GPHA2: variants seen among roughly 807,000 people sequenced by gnomAD.
GPHA2 encodes glycoprotein hormone subunit alpha 2, also known as glycoprotein hormone alpha-2.
A neutral mutation model predicts 15.3 loss-of-function variants in GPHA2; 12 were observed. That is an observed-to-expected ratio of 0.78 (90% CI 0.50 to 1.27). The LOEUF (loss-of-function observed/expected upper bound fraction) is 1.27. Ranked by LOEUF, GPHA2 falls within the 50% of genes most tolerant of loss-of-function variation. The pLI, the probability that GPHA2 is intolerant of heterozygous loss-of-function variation, is 0.00. For missense variants in GPHA2, 156 were observed against 169.5 expected (o/e 0.92, Z 0.44); for synonymous variants, 61 against 66.8 (o/e 0.91, Z 0.42).
At position 64,935,472 on chromosome 11, in the gene GPHA2, T is replaced by C. The variant is rs1386491589; in HGVS notation, c.1-12A>G. On this transcript the variant is annotated splice_polypyrimidine_tract_variant and intron_variant, in intron 1 of 3. Transcript: ENST00000279168. ...GACGCCATAGGCATCTGAAACACAG[T>C]GGGGAGATGTCTCTACGTGGGTGTG... The C allele has an allele frequency of 1.0e-5, 16 of 1,558,100 alleles. No homozygotes were observed. Among genetic ancestry groups the C allele is most frequent in the Admixed American group, 1.9e-5 (1 of 51,754 alleles).
At chr11:64,935,530 T>G in intron 1 of GPHA2, 70 bp from the exon 2 acceptor site, 3 of 1,063,074 alleles carry the variant, frequency 2.8e-6, no homozygotes, top group Non-Finnish European at 4.1e-6. Flanking sequence ...AAATACTGCA[T>G]TCCAGGTGAG....
rs1945276486 is a variant in GPHA2, at chr11:64,935,000, G to A, written c.279C>T (p.Gly93=). ...CCCGGGCCCTCCTCACCTTCTTCAG[G>A]CCACTGATGGTGCAGCACTGAGAGA... ...TSVSQCCTIS[G]LKKVKVQLQC... is the part of the protein sequence containing the mutation. Residue 93 remains glycine, a synonymous_variant, in exon 3 of 4, where the codon GGC becomes GGT. Transcript: ENST00000279168. The A allele has an allele frequency of 6.2e-7, 1 of 1,613,890 alleles. No individual in the cohort carries two copies. The highest frequency in any genetic ancestry group is 8.5e-7 in the Non-Finnish European group (1 of 1,179,988).
At position 64,934,843 on chromosome 11, in the gene GPHA2, C is replaced by T. The variant is rs148594801; in HGVS notation, c.320G>A (p.Arg107Gln). 87 of 1,598,120 alleles carry T rather than the reference C, an allele frequency of 5.4e-5. No individual in the cohort carries two copies. The highest frequency in any genetic ancestry group is 8.3e-5 in the African/African-American group (6 of 72,302). The change falls in exon 4 of 4, where the codon CGG becomes CAG. Residue 107 changes from arginine (R) to glutamine (Q), a missense_variant. Arg to Gln is a conservative substitution (Grantham distance 43). Transcript: ENST00000279168. ...CGTGAAGATCTCGAGCTCCTCCCTC[C>T]GGCTCCCCACACACTGCAGCTGTAC... ...VKVQLQCVGS[R>Q]REELEIFTAR... is the part of the protein sequence containing the mutation.
At chr11:64,936,102 C>T (rs920047943), upstream of GPHA2, among the ~76,000 whole-genome samples, 1 of 152,066 alleles carries the variant, frequency 6.6e-6, no homozygotes, top group Non-Finnish European at 1.5e-5. Context: ...GCCCAGGCCT[C>T]GATAAGTCAG....
At position 64,935,024 on chromosome 11, in the gene GPHA2, G is replaced by A. The variant is rs1781303223; in HGVS notation, c.255C>T (p.Val85=). ...GGCCACTGATGGTGCAGCACTGAGA[G>A]ACGGAGGTGATGTTGTGTCGGTAAC... ...ASGYRHNITS[V]SQCCTISGLK... is the part of the protein sequence containing the mutation. Residue 85 remains valine (V), a synonymous_variant, in exon 3 of 4, where the codon GTC becomes GTT. Transcript: ENST00000279168. 1 of 1,614,084 alleles carries A rather than the reference G, an allele frequency of 6.2e-7. No homozygotes were observed.
chr11:64,935,493 G>T, intron 1 of GPHA2, 33 bp from the exon 2 acceptor site: 1 of 1,444,290 alleles, frequency 6.9e-7, no homozygotes, highest in Non-Finnish European at 9.4e-7. Flanking sequence ...CTCTACGTGG[G>T]TGTGCAGGTG....
In GPHA2 at chr11:64,935,044, G is replaced by T; in HGVS notation, c.235C>A (p.Arg79=). ...RYSVLVASGY[R]HNITSVSQCC... is the part of the protein sequence containing the mutation. Reference sequence around the variant, plus strand: ...TGAGAGACGGAGGTGATGTTGTGTCGGTAACCACTGGCCACCAGCACAGAG... The same window carrying T: ...TGAGAGACGGAGGTGATGTTGTGTCTGTAACCACTGGCCACCAGCACAGAG... Residue 79 remains arginine, a synonymous_variant, in exon 3 of 4, where the codon CGA becomes AGA. Coordinates refer to ENST00000279168, the MANE Select transcript of GPHA2 (RefSeq NM_130769.4). 6.2e-7 allele frequency: 1 copy of T among 1,614,044 alleles called. No homozygotes were observed. The highest frequency in any genetic ancestry group is 1.1e-5 in the South Asian group (1 of 91,062).
chr11:64,936,165 C>A (rs1371211761), upstream of GPHA2, among the ~76,000 whole-genome samples: 1 of 152,150 alleles, frequency 6.6e-6, no homozygotes, highest in South Asian at 2.1e-4. Flanking sequence ...GTGCAGCTGA[C>A]GACACAGGGG....
intron 2 of GPHA2, 38 bp from the exon 3 acceptor site, chr11:64,935,213 C>G: frequency 6.3e-7 from 1 of 1,575,852 alleles, no homozygotes; most frequent in Non-Finnish European, 8.6e-7. Flanking sequence ...GGCGCCTCTG[C>G]CAAGGTTTGC....
In GPHA2 at chr11:64,935,611, TTGTGTG is replaced by T. The variant is rs150478676; in HGVS notation, c.1-157_1-152del. ...TGCTGCCTTTTCCCTGTATCTGCCTTTGTGTGTGTGTGTGTGTGTGTATGGGTGTGA... is the reference window on the plus strand; with the variant it reads ...TGCTGCCTTTTCCCTGTATCTGCCTTTGTGTGTGTGTGTGTATGGGTGTGA... On this transcript the variant is annotated intron_variant, in intron 1 of 3. Coordinates refer to ENST00000279168, the MANE Select transcript of GPHA2 (RefSeq NM_130769.4). The T allele has an allele frequency of 1.1e-4, 64 of 561,734 alleles. No homozygotes were observed. In the Middle Eastern group the frequency reaches 3.2e-3, roughly 28 times the overall value. The allele number at this position is 561,734 out of a possible 1,614,324, so 34.8% of individuals were successfully genotyped here.
At chr11:64,936,095 C>T (rs1177943700), upstream of GPHA2, among the ~76,000 whole-genome samples, 7 of 152,142 alleles carry the variant, frequency 4.6e-5, no homozygotes, top group Non-Finnish European at 1.0e-4. Flanking sequence ...ACCCACAGCC[C>T]AGGCCTCGAT....
chr11:64,935,041 G>A lies in GPHA2; in HGVS notation c.238C>T (p.His80Tyr), dbSNP rs1431389493. 1 of 1,614,092 alleles carries A rather than the reference G, an allele frequency of 6.2e-7. No homozygotes were observed. The highest frequency in any genetic ancestry group is 1.7e-5 in the Admixed American group (1 of 60,020). Residue 80 changes from histidine to tyrosine, a missense_variant, in exon 3 of 4, where the codon CAC becomes TAC. His to Tyr is a moderately conservative substitution (Grantham distance 83). Transcript: ENST00000279168. ...CACTGAGAGACGGAGGTGATGTTGT[G>A]TCGGTAACCACTGGCCACCAGCACA... Reference protein sequence around the residue: ...YSVLVASGYRHNITSVSQCCT... With the variant: ...YSVLVASGYRYNITSVSQCCT...
upstream of GPHA2, among the ~76,000 whole-genome samples, chr11:64,936,624 C>A (rs1945296176): frequency 6.6e-6 from 1 of 152,104 alleles, no homozygotes; most frequent in Non-Finnish European, 1.5e-5. Flanking sequence ...GTCCTGCTTG[C>A]CTTTTTCTAA....
In GPHA2 at chr11:64,934,944, C is replaced by T. The variant is rs1429357300; in HGVS notation, c.288+47G>A. 1.9e-6 allele frequency: 3 copies of T among 1,613,230 alleles called. No homozygotes were observed. The East Asian group carries it at 6.7e-5, about 36-fold the overall frequency. On this transcript the variant is annotated intron_variant, in intron 3 of 3. Coordinates refer to ENST00000279168, the MANE Select transcript of GPHA2 (RefSeq NM_130769.4). The stretch of plus-strand genomic sequence containing the variant: ...TGTCTAGGATCTCCATCTCTCTGGT[C>T]TTCCCGCGACCCCAGCGTCCATCCA...
chr11:64,934,526 G>T lies in GPHA2; in HGVS notation c.*247C>A. 1 of 583,414 alleles carries T rather than the reference G, an allele frequency of 1.7e-6. No individual in the cohort carries two copies. Among genetic ancestry groups the T allele is most frequent in the South Asian group, 2.1e-5 (1 of 48,328 alleles). 36.1% of individuals were successfully genotyped at this position (583,414 alleles called of 1,614,324 possible). ...AGGGCAAAGAGGGAAGTAAAATGAT[G>T]AAAGATTGGTTTAGAAGGGCCAGGC... On this transcript the variant is annotated 3_prime_UTR_variant, in exon 4 of 4. Transcript: ENST00000279168.
At position 64,935,338 on chromosome 11, in the gene GPHA2, C is replaced by A; in HGVS notation, c.103+20G>T. On this transcript the variant is annotated intron_variant, in intron 2 of 3. Transcript: ENST00000279168. ...CAGAACCTCCACTGCTCCTAGCCCT[C>A]CGGTCCCAGAGGTACTCACGGTGCA... The A allele has an allele frequency of 6.4e-7, 1 of 1,564,046 alleles. No individual in the cohort carries two copies.
chr11:64,935,281 C>T (rs1463895419), intron 2 of GPHA2, 77 bp downstream of exon 2: 8 of 1,385,376 alleles, frequency 5.8e-6, no homozygotes, highest in Non-Finnish European at 6.8e-6. Flanking sequence ...GTGCTGCCTG[C>T]CCCACCGTCC....
chr11:64,934,578 C>T lies in GPHA2; in HGVS notation c.*195G>A. ...GAGGCAGGGAAGAAGCAGAAACTCC[C>T]CTCTTCTCAGGTGACAGTCACAAAA... On this transcript the variant is annotated 3_prime_UTR_variant, in exon 4 of 4. Transcript: ENST00000279168. 1 of 604,992 alleles carries T rather than the reference C, an allele frequency of 1.7e-6. No individual in the cohort carries two copies. Among genetic ancestry groups the T allele is most frequent in the Non-Finnish European group, 2.9e-6 (1 of 339,248 alleles). 37.5% of individuals were successfully genotyped at this position (604,992 alleles called of 1,614,324 possible).
chr11:64,936,901 A>G (rs1175978197), upstream of GPHA2, among the ~76,000 whole-genome samples: 3 of 152,188 alleles, frequency 2.0e-5, no homozygotes, highest in African/African-American at 7.2e-5. Context: ...AAGCTGATCT[A>G]TTTGTCCAAC....
Sources: gnomAD v4.1 joint callset for allele counts (sites outside exome capture counted in the v4.1 genomes callset) on GRCh38, gnomAD v4.1.1 for gene constraint, MANE v1.5 for transcripts, NCBI Gene and HGNC (gene_info 2026-07-23, HGNC 2026-07-21) for gene names.